The following OOSP2 variants were observed in gnomAD, a reference collection of about 807,000 sequenced individuals.
OOSP2 encodes the protein oocyte-secreted protein 2.
OOSP2 carries 7 observed loss-of-function variants against 13.4 expected under a neutral mutation model. The ratio of observed to expected loss-of-function variants is 0.52; its 90% confidence interval spans 0.30 to 0.98. OOSP2 has a LOEUF of 0.98. OOSP2 is among the 50% of genes least tolerant of loss of function. The pLI, the probability that OOSP2 is intolerant of heterozygous loss-of-function variation, is 0.07. For synonymous variants in OOSP2, 75 were observed against 67.2 expected, an observed-to-expected ratio of 1.12 and a Z score of -0.57; for missense variants, 184 against 188.5, an observed-to-expected ratio of 0.98 and a Z score of 0.14.
chr11:60,043,191 A>G (rs924184146), intron 1 of OOSP2, among the ~76,000 whole-genome samples: 1 of 152,218 alleles, frequency 6.6e-6, no homozygotes, highest in Non-Finnish European at 1.5e-5. Context: ...GGCGTCAGCC[A>G]CTGCGCCCGG....
In OOSP2 at chr11:60,044,673, A is replaced by G. The variant is rs376604584; in HGVS notation, c.246A>G (p.Val82=). 2.1e-6 allele frequency: 3 copies of G among 1,453,634 alleles called. No individual in the cohort carries two copies. Among genetic ancestry groups the G allele is most frequent in the Non-Finnish European group, 1.9e-6 (2 of 1,035,154 alleles). 90.0% of individuals were successfully genotyped at this position (1,453,634 alleles called of 1,614,324 possible). A position where few individuals can be genotyped will look rare whatever the true frequency, so the allele number is the denominator to read the frequency against. ...LVRDCGIRTR[V]VSEETLLFQT... The stretch of plus-strand genomic sequence containing the variant: ...ACTGAAACTTCATGCTCTCCTAGGT[A>G]GTTTCTGAGGAAACTCTCCTTTTTC... The change falls in exon 3 of 4, where the codon GTA becomes GTG. Residue 82 remains valine (V), a splice_region_variant and synonymous_variant. Transcript: ENST00000278855.
chr11:60,043,838 A>G, intron 2 of OOSP2, 191 bp downstream of exon 2: 1 of 403,178 alleles, frequency 2.5e-6, no homozygotes. Flanking sequence ...CTTAGATCAC[A>G]GATTTATAAA....
intron 3 of OOSP2, chr11:60,046,590 C>A (rs1043071893): frequency 1.2e-5 from 5 of 433,374 alleles, no homozygotes; most frequent in African/African-American, 1.0e-4. Flanking sequence ...ACAGATTAAG[C>A]TTTTGGTGGC....
At chr11:60,041,248 G>C (rs1365142940) in intron 1 of OOSP2, among the ~76,000 whole-genome samples, 5 of 152,066 alleles carry the variant, frequency 3.3e-5, no homozygotes, top group Admixed American at 3.3e-4. Context: ...TACCCATTTG[G>C]CCTGTAATAC....
intron 2 of OOSP2, among the ~76,000 whole-genome samples, chr11:60,044,284 G>C (rs920491418): frequency 1.3e-5 from 2 of 152,204 alleles, no homozygotes; most frequent in Non-Finnish European, 2.9e-5. Context: ...GGGATGCACT[G>C]CTTGTTGGTG....
rs1220195046 is a variant in OOSP2 at position 60,047,217 on chromosome 11, A to C, written c.*144A>C. 8.4e-6 allele frequency: 5 copies of C among 598,646 alleles called. No homozygotes were observed. Among genetic ancestry groups the C allele is most frequent in the African/African-American group, 1.9e-5 (1 of 53,508 alleles). The allele number at this position is 598,646 out of a possible 1,614,324, so 37.1% of individuals were successfully genotyped here. A position where few individuals can be genotyped will look rare whatever the true frequency, so the allele number is the denominator to read the frequency against. ...AAACCCTACTTCAGTAAAGGTCCTGATTAGTTGATTAGTGAATGTGTATTT... is the reference window on the plus strand; with the variant it reads ...AAACCCTACTTCAGTAAAGGTCCTGCTTAGTTGATTAGTGAATGTGTATTT... On this transcript the variant is annotated 3_prime_UTR_variant, in exon 4 of 4. Coordinates refer to ENST00000278855, the MANE Select transcript of OOSP2 (RefSeq NM_173801.5).
intron 3 of OOSP2, among the ~76,000 whole-genome samples, chr11:60,045,574 A>T (rs1318764293): frequency 6.6e-6 from 1 of 151,762 alleles, no homozygotes; most frequent in Non-Finnish European, 1.5e-5. Context: ...GGAGAGGCAG[A>T]ATTTTTTTTT....
chr11:60,043,798 G>A (rs2134639974), intron 2 of OOSP2, 151 bp downstream of exon 2: 1 of 532,106 alleles, frequency 1.9e-6, no homozygotes, highest in Middle Eastern at 4.4e-4. Context: ...ATTTTTCACT[G>A]AATATTGGGT....
intron 3 of OOSP2, among the ~76,000 whole-genome samples, chr11:60,045,342 T>C (rs1303529966): frequency 6.6e-6 from 1 of 151,948 alleles, no homozygotes; most frequent in Non-Finnish European, 1.5e-5. Flanking sequence ...ACTTTGAGAC[T>C]AAGTGGAAAG....
At chr11:60,045,141 A>ATTTC (rs141202358) in intron 3 of OOSP2, among the ~76,000 whole-genome samples, 40,800 of 151,820 alleles carry the variant, frequency 0.27, 6,196 homozygotes, top group East Asian at 0.42. Context: ...CTTTTATAAT[A>ATTTC]TTCTGATACA....
At position 60,042,783 on chromosome 11, in the gene OOSP2, C is replaced by A. The variant is rs528161041; in HGVS notation, c.65-686C>A. ...TTCCAAAAGTATACTGGGATGATAT[C>A]GCTTTTATTCTAACACATTGCAATT... On this transcript the variant is annotated intron_variant, in intron 1 of 3. Coordinates refer to ENST00000278855, the MANE Select transcript of OOSP2 (RefSeq NM_173801.5). Among the ~76,000 whole-genome samples the A allele has an allele frequency of 2.6e-5, 4 of 152,190 alleles. No homozygotes were observed. In the East Asian group the frequency reaches 7.7e-4, roughly 29 times the overall value.
intron 1 of OOSP2, 53 bp from the exon 2 acceptor site, chr11:60,043,416 A>G: frequency 1.7e-6 from 2 of 1,211,476 alleles, no homozygotes; most frequent in South Asian, 1.4e-5. Flanking sequence ...TTCTTTGAAC[A>G]CTTTCTTAAG....
At chr11:60,041,688 T>TA (rs1269413851) in intron 1 of OOSP2, among the ~76,000 whole-genome samples, 1 of 151,428 alleles carries the variant, frequency 6.6e-6, no homozygotes, top group African/African-American at 2.4e-5. Context: ...TCGTCTCTAC[T>TA]AAAAATACAA....
At chr11:60,046,650 T>G (rs1158144247) in intron 3 of OOSP2, 1 of 510,830 alleles carries the variant, frequency 2.0e-6, no homozygotes, top group Middle Eastern at 2.9e-4. Context: ...TTTTGCTGGG[T>G]ACATTGGTAC....
chr11:60,040,764 T>A (rs1393974081), intron 1 of OOSP2, among the ~76,000 whole-genome samples: 4 of 152,194 alleles, frequency 2.6e-5, no homozygotes. Flanking sequence ...TCTCTCTAAC[T>A]TGAGACTCAT....
At chr11:60,043,412 G>T in intron 1 of OOSP2, 57 bp from the exon 2 acceptor site, 1 of 1,167,620 alleles carries the variant, frequency 8.6e-7, no homozygotes, top group South Asian at 1.5e-5. Context: ...ACTATTCTTT[G>T]AACACTTTCT....
chr11:60,041,649 G>C (rs961906143), intron 1 of OOSP2, among the ~76,000 whole-genome samples: 1 of 151,736 alleles, frequency 6.6e-6, no homozygotes, highest in African/African-American at 2.4e-5. Context: ...GGAGGAGTTC[G>C]AGACCAGCTT....
At chr11:60,046,674 G>A (rs771962618) in intron 3 of OOSP2, 3 of 553,046 alleles carry the variant, frequency 5.4e-6, no homozygotes, top group South Asian at 1.5e-5. Flanking sequence ...TCTAATGCAA[G>A]CATCACAAAT....
rs763643866 is a variant in OOSP2 at position 60,043,636 on chromosome 11, A to T, written c.232A>T (p.Ile78Phe). The T allele has an allele frequency of 2.5e-6, 4 of 1,593,718 alleles. No homozygotes were observed. The South Asian group carries it at 3.3e-5, about 13-fold the overall frequency. ...TATATATCTTGTTCGTGATTGTGGC[A>T]TCAGGACAAGGGTAAGAACAGTGAT... ...EFIYLVRDCG[I>F]RTRVVSEETL... The change falls in exon 2 of 4, where the codon ATC becomes TTC. Residue 78 changes from isoleucine to phenylalanine, a missense_variant. By Grantham distance (21) the Ile-to-Phe change is conservative. Transcript: ENST00000278855.
Sources: gnomAD v4.1 joint callset for allele counts (sites outside exome capture counted in the v4.1 genomes callset) on GRCh38, gnomAD v4.1.1 for gene constraint, MANE v1.5 for transcripts, NCBI Gene and HGNC (gene_info 2026-07-23, HGNC 2026-07-21) for gene names.